Variants in AZIN1 observed in about 807,000 individuals in gnomAD.
AZIN1 encodes the protein ornithine decarboxylase antizyme inhibitor.
A neutral mutation model predicts 47.4 loss-of-function variants in AZIN1; 12 were observed. The observed-to-expected ratio is 0.25, with a 90% CI of 0.16 to 0.41. The LOEUF (loss-of-function observed/expected upper bound fraction) is 0.41, where lower values mean the gene tolerates loss of function less well. AZIN1 is among the 10% of genes least tolerant of loss of function. The probability of loss-of-function intolerance (pLI) is 1.00; values close to 1 mark genes in which losing one functional copy is unlikely to be tolerated. For synonymous variants in AZIN1, 155 were observed against 176.3 expected, an observed-to-expected ratio of 0.88 and a Z score of 0.96; for missense variants, 410 against 532.4, an observed-to-expected ratio of 0.77 and a Z score of 2.26.
chr8:102,827,577 T>C lies in AZIN1; in HGVS notation c.*990A>G, dbSNP rs1811181591. 1 of 152,254 alleles carries C rather than the reference T, an allele frequency of 6.6e-6. No homozygotes were observed. The highest frequency in any genetic ancestry group is 2.4e-5 in the African/African-American group (1 of 41,438). The allele number at this position is 152,254 out of a possible 1,614,324, so 9.4% of individuals were successfully genotyped here. A position where few individuals can be genotyped will look rare whatever the true frequency, so the allele number is the denominator to read the frequency against. On this transcript the variant is annotated 3_prime_UTR_variant, in exon 12 of 12. Coordinates refer to ENST00000337198, the MANE Select transcript of AZIN1 (RefSeq NM_148174.4). ...GTAGCCCTTCTTTAAGTTTTAGTGC[T>C]CTGCAGTTTTCTGCAATTTTATTTC... is the stretch of plus-strand genomic sequence containing the variant.
intron 8 of AZIN1, among the ~76,000 whole-genome samples, chr8:102,833,891 T>TA (rs74551220): frequency 0.025 from 3,119 of 126,528 alleles, 58 homozygotes; most frequent in Admixed American, 0.043. Flanking sequence ...AGGAAGACTT[T>TA]AAAAAAAAAA....
chr8:102,861,754 C>G (rs1446470549), intron 1 of AZIN1, among the ~76,000 whole-genome samples: 1 of 151,536 alleles, frequency 6.6e-6, no homozygotes, highest in African/African-American at 2.4e-5. Context: ...AAAAAAAAAT[C>G]AAGATCAGCC....
At chr8:102,858,784 C>T (rs1477521360) in intron 1 of AZIN1, among the ~76,000 whole-genome samples, 2 of 152,194 alleles carry the variant, frequency 1.3e-5, no homozygotes, top group Non-Finnish European at 2.9e-5. Flanking sequence ...CTTCTCATAT[C>T]TAACCTATTT....
At chr8:102,845,919 A>G (rs1812540461) in intron 2 of AZIN1, among the ~76,000 whole-genome samples, 1 of 152,090 alleles carries the variant, frequency 6.6e-6, no homozygotes, top group Non-Finnish European at 1.5e-5. Context: ...TTTTCTTAAC[A>G]TTATAATGAA....
rs1260943184 is a variant in AZIN1 at position 102,843,709 on chromosome 8, C to T, written c.-57G>A. Reference sequence around the variant, plus strand: ...AAACCAGGAAAGACAAGAGACGGGCCACCAAGCCTATGTCTGGGTCCTTAG... The same window carrying T: ...AAACCAGGAAAGACAAGAGACGGGCTACCAAGCCTATGTCTGGGTCCTTAG... On this transcript the variant is annotated 5_prime_UTR_variant, in exon 3 of 12. Transcript: ENST00000337198. 1 of 1,608,028 alleles carries T rather than the reference C, an allele frequency of 6.2e-7. No homozygotes were observed. The highest frequency in any genetic ancestry group is 8.5e-7 in the Non-Finnish European group (1 of 1,177,444).
intron 3 of AZIN1, among the ~76,000 whole-genome samples, chr8:102,842,817 C>T (rs1169511914): frequency 6.6e-6 from 1 of 151,482 alleles, no homozygotes; most frequent in Non-Finnish European, 1.5e-5. Context: ...GATCCTAAAT[C>T]AATTGCTTGA....
intron 2 of AZIN1, chr8:102,855,830 G>A (rs1379243422): frequency 6.6e-6 from 1 of 152,162 alleles, no homozygotes; most frequent in East Asian, 1.9e-4. Flanking sequence ...CTGGAATGCG[G>A]AATTTTCTCT....
At chr8:102,855,871 C>T (rs1314639323) in intron 2 of AZIN1, 1 of 152,202 alleles carries the variant, frequency 6.6e-6, no homozygotes, top group East Asian at 1.9e-4. Flanking sequence ...GTCAAGAAAC[C>T]TTTGGGACTA....
chr8:102,841,913 C>G (rs1334997629), intron 3 of AZIN1, among the ~76,000 whole-genome samples: 8 of 151,352 alleles, frequency 5.3e-5, no homozygotes, highest in African/African-American at 1.9e-4. Context: ...GAGTTTGAGA[C>G]CAGACTGGTC....
intron 8 of AZIN1, 73 bp downstream of exon 8, chr8:102,834,116 T>C (rs1811659329): frequency 8.1e-7 from 1 of 1,231,202 alleles, no homozygotes; most frequent in Non-Finnish European, 1.2e-6. Flanking sequence ...GTAAAAATCC[T>C]GCTCTACACA....
At chr8:102,860,423 C>T (rs1007251413) in intron 1 of AZIN1, among the ~76,000 whole-genome samples, 8 of 152,052 alleles carry the variant, frequency 5.3e-5, no homozygotes, top group African/African-American at 1.2e-4. Flanking sequence ...CCACCATGCC[C>T]GGCTAATTTT....
At chr8:102,852,245 G>A (rs2164061) in intron 2 of AZIN1, among the ~76,000 whole-genome samples, 57,153 of 152,022 alleles carry the variant, frequency 0.38, 11,696 homozygotes, top group South Asian at 0.46. Context: ...TTGCAGTAAA[G>A]AGCAAGAAGC....
chr8:102,840,666 A>G (rs1812121759), intron 3 of AZIN1, among the ~76,000 whole-genome samples: 1 of 152,252 alleles, frequency 6.6e-6, no homozygotes, highest in Admixed American at 6.5e-5. Flanking sequence ...GAGATGACTT[A>G]TGCAGTTGGA....
At chr8:102,838,958 T>A in intron 4 of AZIN1, 42 bp from the exon 5 acceptor site, 1 of 1,552,026 alleles carries the variant, frequency 6.4e-7, no homozygotes, top group Non-Finnish European at 8.8e-7. Flanking sequence ...AATGTCACAG[T>A]TCATATTCTG....
intron 2 of AZIN1, among the ~76,000 whole-genome samples, chr8:102,847,369 AC>A (rs369922316): frequency 0.022 from 2,781 of 124,846 alleles, 45 homozygotes; most frequent in Middle Eastern, 0.087. Context: ...AAAAAAAAAA[AC>A]AATAAAGCTC....
intron 4 of AZIN1, 84 bp from the exon 5 acceptor site, chr8:102,839,000 C>T (rs1026905107): frequency 8.0e-7 from 1 of 1,245,512 alleles, no homozygotes; most frequent in East Asian, 2.4e-5. Flanking sequence ...TTACCCCCAC[C>T]CCTTTTAAAA....
intron 9 of AZIN1, among the ~76,000 whole-genome samples, chr8:102,830,511 T>G (rs939966388): frequency 6.6e-6 from 1 of 151,856 alleles, no homozygotes; most frequent in African/African-American, 2.4e-5. Flanking sequence ...ACTTTTTAGT[T>G]TCTTTTCAAA....
At position 102,835,026 on chromosome 8, in the gene AZIN1, G is replaced by A. The variant is rs375020522; in HGVS notation, c.585-279C>T. 2.7e-4 allele frequency: 74 copies of A among 274,826 alleles called. 1 individual carries two copies. In the South Asian group the frequency reaches 6.3e-3, roughly 23 times the overall value. The allele number at this position is 274,826 out of a possible 1,614,324, so 17.0% of individuals were successfully genotyped here. A position where few individuals can be genotyped will look rare whatever the true frequency, so the allele number is the denominator to read the frequency against. On this transcript the variant is annotated intron_variant, in intron 6 of 11. Transcript: ENST00000337198. ...CTGTTCCACGGTTATACAATAAGGT[G>A]TGCTTTTATGTATATGTGGCACTTT...
chr8:102,850,671 A>G (rs540969066), intron 2 of AZIN1, among the ~76,000 whole-genome samples: 59 of 152,326 alleles, frequency 3.9e-4, no homozygotes, highest in African/African-American at 1.4e-3. Context: ...ACAACAGCCT[A>G]CATTGAGTAC....
Sources: allele counts gnomAD v4.1 joint callset (sites outside exome capture counted in the v4.1 genomes callset), GRCh38; gene constraint gnomAD v4.1.1; transcripts MANE v1.5; gene names NCBI Gene and HGNC (gene_info 2026-07-23, HGNC 2026-07-21).